MED13L: variants seen among roughly 807,000 people sequenced by gnomAD.
The protein encoded by MED13L is mediator of RNA polymerase II transcription subunit 13-like.
In MED13L, 7 loss-of-function variants were observed where a neutral mutation model predicts 220.9. The ratio of observed to expected loss-of-function variants is 0.03; its 90% CI spans 0.02 to 0.06. MED13L has a LOEUF of 0.06. MED13L is among the 10% of genes least tolerant of loss of function. The pLI, the probability that MED13L is intolerant of heterozygous loss-of-function variation, is 1.00. For missense variants in MED13L, 1,965 were observed against 2,760.5 expected (o/e 0.71, Z 6.46); for synonymous variants, 1,011 against 1,015.2 (o/e 1.00, Z 0.08).
In MED13L at chr12:116,262,392, T is replaced by C. The variant is rs531684347; in HGVS notation, c.72+14668A>G. Among the ~76,000 whole-genome samples the C allele has an allele frequency of 5.3e-5, 8 of 152,330 alleles. No individual in the cohort carries two copies. In the South Asian group the frequency reaches 1.2e-3, roughly 24 times the overall value. On this transcript the variant is annotated intron_variant, in intron 1 of 30. Transcript: ENST00000281928. ...ATAGATTACAAGGAATCTAAATCAA[T>C]AGATATTTTCTAAAATGGGTGTTAA... is the stretch of plus-strand genomic sequence containing the variant.
intron 2 of MED13L, among the ~76,000 whole-genome samples, chr12:116,150,779 C>T (rs1010729291): frequency 6.6e-6 from 1 of 152,162 alleles, no homozygotes; most frequent in African/African-American, 2.4e-5. Context: ...AAGATACAAG[C>T]TTTGAAAGTA....
At chr12:116,068,245 T>C (rs944415380) in intron 4 of MED13L, among the ~76,000 whole-genome samples, 2 of 152,280 alleles carry the variant, frequency 1.3e-5, no homozygotes, top group East Asian at 3.9e-4. Flanking sequence ...ATAATACTAA[T>C]GGGACAACAA....
intron 2 of MED13L, among the ~76,000 whole-genome samples, chr12:116,220,816 A>G (rs1252883529): frequency 1.3e-5 from 2 of 152,228 alleles, no homozygotes; most frequent in Non-Finnish European, 2.9e-5. Context: ...GTTACCAGGT[A>G]AAATTTTAGG....
chr12:116,171,479 A>C (rs1325048571), intron 2 of MED13L, among the ~76,000 whole-genome samples: 1 of 152,234 alleles, frequency 6.6e-6, no homozygotes, highest in Non-Finnish European at 1.5e-5. Context: ...GTCTCCAAAA[A>C]TCCAACACTT....
At chr12:116,204,223 TAATCTATC>T (rs1882178854) in intron 2 of MED13L, among the ~76,000 whole-genome samples, 1 of 152,224 alleles carries the variant, frequency 6.6e-6, no homozygotes. Flanking sequence ...TTACGGACCA[TAATCTATC>T]AATCTTTCTA....
At chr12:116,218,123 T>C (rs537332741) in intron 2 of MED13L, among the ~76,000 whole-genome samples, 1 of 152,352 alleles carries the variant, frequency 6.6e-6, no homozygotes, top group East Asian at 1.9e-4. Flanking sequence ...CTTTCTCTAA[T>C]TAAACTTTTG....
At chr12:115,998,087 T>C (rs896536595) in intron 14 of MED13L, among the ~76,000 whole-genome samples, 4 of 152,228 alleles carry the variant, frequency 2.6e-5, no homozygotes, top group African/African-American at 9.6e-5. Flanking sequence ...CAAAGTTTCT[T>C]TTAAGAAATA....
At chr12:116,135,657 T>C (rs1876476683) in intron 2 of MED13L, among the ~76,000 whole-genome samples, 1 of 152,104 alleles carries the variant, frequency 6.6e-6, no homozygotes, top group Non-Finnish European at 1.5e-5. Flanking sequence ...TATAAGGAAG[T>C]AGTATTTGTT....
intron 2 of MED13L, among the ~76,000 whole-genome samples, chr12:116,143,284 C>A (rs1297173756): frequency 1.4e-5 from 2 of 147,112 alleles, no homozygotes; most frequent in South Asian, 2.1e-4. Flanking sequence ...CGAGGCAGGG[C>A]AGGGGTGAAT....
chr12:116,207,336 C>G lies in MED13L; in HGVS notation c.310+30132G>C, dbSNP rs961916457. Among the ~76,000 whole-genome samples, 5 of 152,140 alleles carry G rather than the reference C, an allele frequency of 3.3e-5. 1 individual carries two copies. Among genetic ancestry groups the G allele is most frequent in the Non-Finnish European group, 7.4e-5 (5 of 68,020 alleles). On this transcript the variant is annotated intron_variant, in intron 2 of 30. Coordinates refer to ENST00000281928, the MANE Select transcript of MED13L (RefSeq NM_015335.5). ...TTAGGTATGTTCGGAAACACAAACA[C>G]TTACCATTGTGTTATACCTGCCTAC... is the stretch of plus-strand genomic sequence containing the variant.
chr12:116,151,358 C>T (rs1878023927), intron 2 of MED13L, among the ~76,000 whole-genome samples: 1 of 152,194 alleles, frequency 6.6e-6, no homozygotes, highest in African/African-American at 2.4e-5. Context: ...TGTTTCTTCA[C>T]ATCCTACCTT....
intron 2 of MED13L, among the ~76,000 whole-genome samples, chr12:116,168,674 A>G: frequency 6.6e-6 from 1 of 152,208 alleles, no homozygotes; most frequent in Non-Finnish European, 1.5e-5. Flanking sequence ...TCTGAATATG[A>G]TAACTGGTTC....
chr12:115,963,358 G>T, intron 30 of MED13L, 49 bp downstream of exon 30: 1 of 1,393,060 alleles, frequency 7.2e-7, no homozygotes, highest in Non-Finnish European at 1.0e-6. Context: ...CAACAGTAAA[G>T]GAATATTGTT....
At position 115,963,538 on chromosome 12, in the gene MED13L, G is replaced by C; in HGVS notation, c.6388-19C>G. 6.4e-7 allele frequency: 1 copy of C among 1,564,350 alleles called. No homozygotes were observed. The highest frequency in any genetic ancestry group is 8.8e-7 in the Non-Finnish European group (1 of 1,135,968). On this transcript the variant is annotated intron_variant, in intron 29 of 30. Coordinates refer to ENST00000281928, the MANE Select transcript of MED13L (RefSeq NM_015335.5). ...GCGAAGCCTGGTGAAAAAACAAAGA[G>C]AGTTACCTCTCTGGTCTAGACAATC... is the stretch of plus-strand genomic sequence containing the variant.
chr12:116,114,499 AAACAAC>A (rs1478776614), intron 2 of MED13L, among the ~76,000 whole-genome samples: 1 of 152,174 alleles, frequency 6.6e-6, no homozygotes, highest in Non-Finnish European at 1.5e-5. Flanking sequence ...TTCTTCAAAC[AAACAAC>A]AACAAAAAAA....
chr12:116,084,177 T>C (rs1871438218), intron 4 of MED13L, among the ~76,000 whole-genome samples: 1 of 152,190 alleles, frequency 6.6e-6, no homozygotes. Flanking sequence ...TACTGGGTAT[T>C]TTTAGCACCA....
intron 2 of MED13L, among the ~76,000 whole-genome samples, chr12:116,200,070 G>A (rs1263248595): frequency 2.8e-5 from 3 of 107,368 alleles, no homozygotes; most frequent in African/African-American, 3.8e-5. Context: ...AAGGCAGGAG[G>A]ATGCTTTTCA....
At chr12:115,992,628 TAC>T (rs1235621686) in intron 16 of MED13L, among the ~76,000 whole-genome samples, 2 of 152,236 alleles carry the variant, frequency 1.3e-5, no homozygotes, top group Admixed American at 6.5e-5. Flanking sequence ...ATAGAAATAT[TAC>T]ATATGCGGCT....
chr12:116,230,894 T>A (rs1869493316), intron 2 of MED13L, among the ~76,000 whole-genome samples: 1 of 152,210 alleles, frequency 6.6e-6, no homozygotes, highest in South Asian at 2.1e-4. Context: ...CACAGTAATA[T>A]ATTCCTACAT....
Sources: allele counts gnomAD v4.1 joint callset (sites outside exome capture counted in the v4.1 genomes callset), GRCh38; gene constraint gnomAD v4.1.1; transcripts MANE v1.5; gene names NCBI Gene and HGNC (gene_info 2026-07-23, HGNC 2026-07-21).